Variants in CAPN9 observed in about 807,000 individuals in gnomAD.
CAPN9 encodes the protein calpain-9.
In CAPN9, 81 loss-of-function variants were observed where a neutral mutation model predicts 92.8. That is an observed-to-expected ratio of 0.87 (90% CI 0.73 to 1.05). The LOEUF is 1.05. CAPN9 is among the 50% of genes least tolerant of loss of function. The pLI is 0.00. For missense variants in CAPN9, 848 were observed against 866.2 expected, an observed-to-expected ratio of 0.98 and a Z score of 0.26; for synonymous variants, 304 against 328.0, an observed-to-expected ratio of 0.93 and a Z score of 0.79.
chr1:230,779,597 G>A (rs1667067791), intron 9 of CAPN9, among the ~76,000 whole-genome samples: 1 of 152,116 alleles, frequency 6.6e-6, no homozygotes, highest in African/African-American at 2.4e-5. Context: ...CACACGAACA[G>A]CAAGAGCTCC....
chr1:230,765,591 A>G (rs7518978), intron 4 of CAPN9, among the ~76,000 whole-genome samples: 66,359 of 151,932 alleles, frequency 0.44, 14,869 homozygotes, highest in Non-Finnish European at 0.48. Context: ...CCCAGGAGGT[A>G]GAGGTTGCAG....
Position 230,779,111 on chromosome 1 carries a change from T to C in CAPN9, c.1092T>C (p.Ala364=). Residue 364 remains alanine (A), a synonymous_variant, in exon 9 of 20, where the codon GCT becomes GCC. Coordinates refer to ENST00000271971, the MANE Select transcript of CAPN9 (RefSeq NM_006615.3). ...HQGSWVRGST[A]GGCRNFLDTF... is the part of the protein sequence containing the mutation. ...GAAGCTGGGTTCGCGGCTCCACGGC[T>C]GGGGGCTGCCGCAATTTCCTGGGTA... 6.2e-7 allele frequency: 1 copy of C among 1,612,508 alleles called. No homozygotes were observed. The highest frequency in any genetic ancestry group is 8.5e-7 in the Non-Finnish European group (1 of 1,179,872).
intron 11 of CAPN9, among the ~76,000 whole-genome samples, chr1:230,783,111 C>G (rs1034373463): frequency 3.9e-5 from 6 of 152,190 alleles, no homozygotes; most frequent in Admixed American, 3.9e-4. Context: ...GCTGAATGGT[C>G]TCCAACAGAT....
intron 8 of CAPN9, among the ~76,000 whole-genome samples, chr1:230,778,513 C>T (rs1666978308): frequency 6.6e-6 from 1 of 152,208 alleles, no homozygotes; most frequent in African/African-American, 2.4e-5. Flanking sequence ...TTATTCCTTA[C>T]AGACACCTCG....
chr1:230,796,353 A>G lies in CAPN9; in HGVS notation c.1987+1074A>G, dbSNP rs1444625667. ...ATATAAATAAATAAATAAATAAATA[A>G]ATAAATAAATAAATAAATAATAAAA... On this transcript the variant is annotated intron_variant, in intron 18 of 19. Transcript: ENST00000271971. Among the ~76,000 whole-genome samples the G allele has an allele frequency of 1.9e-4, 29 of 149,534 alleles. No homozygotes were observed. The East Asian group carries it at 5.3e-3, about 27-fold the overall frequency.
At chr1:230,766,031 G>A (rs540330853) in intron 4 of CAPN9, among the ~76,000 whole-genome samples, 5 of 152,280 alleles carry the variant, frequency 3.3e-5, no homozygotes, top group Middle Eastern at 3.4e-3. Flanking sequence ...ATCATGAGAT[G>A]AGAGGGGAGC....
At chr1:230,801,511 T>A in intron 19 of CAPN9, 59 bp from the exon 20 acceptor site, 1 of 1,571,154 alleles carries the variant, frequency 6.4e-7, no homozygotes, top group Non-Finnish European at 8.8e-7. Context: ...CTCCTGAGGC[T>A]GAGGCTGGAA....
intron 17 of CAPN9, among the ~76,000 whole-genome samples, chr1:230,794,205 C>T (rs1668189568): frequency 6.6e-6 from 1 of 152,084 alleles, no homozygotes; most frequent in South Asian, 2.1e-4. Flanking sequence ...AAGCACTGGC[C>T]AGGTGTGGTG....
intron 15 of CAPN9, 116 bp from the exon 16 acceptor site, chr1:230,792,309 AC>A (rs1390984696): frequency 2.5e-6 from 2 of 798,326 alleles, no homozygotes; most frequent in East Asian, 2.5e-5. Context: ...AGGGCCCCAA[AC>A]CTGTGCACCC....
chr1:230,763,808 A>G (rs1665794366), intron 4 of CAPN9, among the ~76,000 whole-genome samples: 1 of 152,214 alleles, frequency 6.6e-6, no homozygotes, highest in Non-Finnish European at 1.5e-5. Flanking sequence ...ATAAGAACCA[A>G]AGATGCCCAC....
At chr1:230,794,224 C>T (rs28359722) in intron 17 of CAPN9, among the ~76,000 whole-genome samples, 1,544 of 152,262 alleles carry the variant, frequency 0.01, 23 homozygotes, top group African/African-American at 0.035. Context: ...TGGCTCACAC[C>T]TGTAATGCTA....
rs74144828 is a variant in CAPN9 at position 230,752,257 on chromosome 1, C to T, written c.214-3080C>T. Among the ~76,000 whole-genome samples, 665 of 152,236 alleles carry T rather than the reference C, an allele frequency of 4.4e-3. 7 individuals carry two copies. Among genetic ancestry groups the T allele is most frequent in the African/African-American group, 0.015 (641 of 41,542 alleles). On this transcript the variant is annotated intron_variant, in intron 1 of 19. Transcript: ENST00000271971. ...TCCCAGGCATCTAACCCAGGCCCAC[C>T]GCCTAGCTGCCCCTTCCACACATGC...
intron 4 of CAPN9, among the ~76,000 whole-genome samples, chr1:230,763,563 G>T (rs558289446): frequency 6.6e-6 from 1 of 152,234 alleles, no homozygotes; most frequent in East Asian, 1.9e-4. Flanking sequence ...CCACTAGCTC[G>T]TTAGTGAAAG....
intron 19 of CAPN9, among the ~76,000 whole-genome samples, chr1:230,801,205 C>G (rs1311232053): frequency 6.7e-4 from 102 of 152,148 alleles, no homozygotes; most frequent in Non-Finnish European, 3.1e-4. Flanking sequence ...GGCCACCTCT[C>G]TCCCAAAGGT....
chr1:230,777,386 C>T (rs549310325), intron 8 of CAPN9, among the ~76,000 whole-genome samples: 1 of 152,190 alleles, frequency 6.6e-6, no homozygotes, highest in East Asian at 1.9e-4. Flanking sequence ...GGAGCCCTTC[C>T]TCCTGGAATC....
intron 6 of CAPN9, among the ~76,000 whole-genome samples, chr1:230,771,004 T>G (rs1415985918): frequency 6.6e-6 from 1 of 152,192 alleles, no homozygotes; most frequent in East Asian, 1.9e-4. Flanking sequence ...CATCCATAGA[T>G]GACTTGCAGA....
intron 5 of CAPN9, 130 bp downstream of exon 5, chr1:230,767,839 T>A (rs1013369080): frequency 1.2e-6 from 1 of 824,514 alleles, no homozygotes; most frequent in African/African-American, 1.7e-5. Flanking sequence ...GGGGGCAGTG[T>A]TTATTCCTGC....
At chr1:230,768,162 A>T (rs2102865734) in intron 5 of CAPN9, among the ~76,000 whole-genome samples, 1 of 152,188 alleles carries the variant, frequency 6.6e-6, no homozygotes, top group African/African-American at 2.4e-5. Context: ...TGAGCCCAGG[A>T]GTTTGAGGCC....
chr1:230,758,708 T>C (rs1890353), intron 2 of CAPN9, among the ~76,000 whole-genome samples: 31,991 of 151,916 alleles, frequency 0.21, 4,139 homozygotes, highest in African/African-American at 0.35. Context: ...GTGATGGGCT[T>C]TTAGGTTCTG....
Sources: gnomAD v4.1 joint callset for allele counts (sites outside exome capture counted in the v4.1 genomes callset) on GRCh38, gnomAD v4.1.1 for gene constraint, MANE v1.5 for transcripts, NCBI Gene and HGNC (gene_info 2026-07-23, HGNC 2026-07-21) for gene names.